The following CNTNAP5 variants were observed in gnomAD, a reference collection of about 807,000 sequenced individuals.
CNTNAP5 encodes the protein contactin associated protein family member 5.
Under a neutral mutation model 150.2 loss-of-function variants are expected in CNTNAP5, and 72 were observed. The ratio of observed to expected loss-of-function variants is 0.48; its 90% CI spans 0.40 to 0.58. CNTNAP5 has a LOEUF of 0.58. CNTNAP5 is among the 20% of genes least tolerant of loss of function. CNTNAP5 has a pLI of 0.00. For synonymous variants in CNTNAP5, 672 were observed against 619.8 expected (o/e 1.08, Z -1.25); for missense variants, 1,636 against 1,626.2 (o/e 1.01, Z -0.10).
chr2:124,369,300 G>A (rs533610052), intron 3 of CNTNAP5, among the ~76,000 whole-genome samples: 1 of 152,286 alleles, frequency 6.6e-6, no homozygotes, highest in East Asian at 1.9e-4. Context: ...GAGAACTTGG[G>A]TAGCAACCAG....
At chr2:124,765,358 A>T (rs1406397532) in intron 16 of CNTNAP5, among the ~76,000 whole-genome samples, 1 of 152,008 alleles carries the variant, frequency 6.6e-6, no homozygotes, top group Admixed American at 6.6e-5. Flanking sequence ...TTTGTCTCAA[A>T]CCTCTGTGGT....
rs550531962 is a variant in CNTNAP5 at position 124,689,712 on chromosome 2, C to A, written c.2077+41754C>A. On this transcript the variant is annotated intron_variant, in intron 13 of 23. Transcript: ENST00000682447. Reference sequence around the variant, plus strand: ...TGGGGCAATGGAATCAGAGGTGAGTCAGTATCTCTGCAGCATAGGTCAAAA... The same window carrying A: ...TGGGGCAATGGAATCAGAGGTGAGTAAGTATCTCTGCAGCATAGGTCAAAA... Among the ~76,000 whole-genome samples the A allele has an allele frequency of 1.7e-4, 26 of 152,076 alleles. No homozygotes were observed. The South Asian group carries it at 4.8e-3, about 28-fold the overall frequency.
chr2:124,461,489 A>G (rs1237589105), intron 6 of CNTNAP5, among the ~76,000 whole-genome samples: 1 of 139,392 alleles, frequency 7.2e-6, no homozygotes, highest in African/African-American at 2.7e-5. Context: ...AGAACACACG[A>G]ACACAGGAAG....
chr2:124,266,909 C>T (rs1573878327), intron 3 of CNTNAP5, among the ~76,000 whole-genome samples: 6 of 151,656 alleles, frequency 4.0e-5, no homozygotes, highest in Admixed American at 6.6e-5. Context: ...ATAGAAATTA[C>T]GTACGCTTTT....
chr2:124,564,711 A>G (rs1342688655), intron 11 of CNTNAP5, among the ~76,000 whole-genome samples: 1 of 152,192 alleles, frequency 6.6e-6, no homozygotes, highest in Non-Finnish European at 1.5e-5. Flanking sequence ...GGGGAAACAC[A>G]TGAAAAAGTA....
At chr2:124,049,651 A>G (rs1235596870) in intron 1 of CNTNAP5, among the ~76,000 whole-genome samples, 2 of 152,210 alleles carry the variant, frequency 1.3e-5, no homozygotes, top group Non-Finnish European at 2.9e-5. Flanking sequence ...TTACTGTAAC[A>G]TGAAGGTAAT....
rs776140761 is a variant in CNTNAP5 at position 124,772,989 on chromosome 2, A to C, written c.2724A>C (p.Arg908=). ...AGACGTCGGAGGAGGGCCATTTTCG[A>C]CTGCAGCTGAACAGCCAGTTGTTTG... is the stretch of plus-strand genomic sequence containing the variant. ...TRETSEEGHF[R]LQLNSQLFVG... Residue 908 remains arginine, a synonymous_variant, in exon 17 of 24, where the codon CGA becomes CGC. Coordinates refer to ENST00000682447, the MANE Select transcript of CNTNAP5 (RefSeq NM_001367498.1). The C allele has an allele frequency of 1.9e-6, 3 of 1,613,084 alleles. No individual in the cohort carries two copies.
intron 1 of CNTNAP5, among the ~76,000 whole-genome samples, chr2:124,218,316 A>G (rs1686213970): frequency 6.6e-6 from 1 of 152,200 alleles, no homozygotes; most frequent in South Asian, 2.1e-4. Context: ...GGCTAATTTC[A>G]TAAGAGACTT....
chr2:124,133,241 T>C (rs1196197985), intron 1 of CNTNAP5, among the ~76,000 whole-genome samples: 1 of 152,142 alleles, frequency 6.6e-6, no homozygotes, highest in Non-Finnish European at 1.5e-5. Flanking sequence ...TTCCGCTCCA[T>C]AGCTCCTTCT....
chr2:124,296,014 G>A (rs1321193347), intron 3 of CNTNAP5, among the ~76,000 whole-genome samples: 2 of 152,128 alleles, frequency 1.3e-5, no homozygotes, highest in East Asian at 1.9e-4. Context: ...AATGAAGAAA[G>A]TCCTAAAACC....
At chr2:124,112,710 C>T (rs1683327995) in intron 1 of CNTNAP5, among the ~76,000 whole-genome samples, 1 of 151,530 alleles carries the variant, frequency 6.6e-6, no homozygotes. Flanking sequence ...ATTATCACCT[C>T]CCTCCTCCCA....
intron 8 of CNTNAP5, among the ~76,000 whole-genome samples, chr2:124,513,836 T>G (rs997311801): frequency 2.0e-5 from 3 of 152,190 alleles, no homozygotes; most frequent in African/African-American, 7.2e-5. Context: ...TGTGGAATGC[T>G]GGCAGCCAGG....
chr2:124,710,524 G>A (rs774122928), intron 13 of CNTNAP5, among the ~76,000 whole-genome samples: 5 of 152,020 alleles, frequency 3.3e-5, no homozygotes, highest in African/African-American at 7.2e-5. Flanking sequence ...ATCCATTGTC[G>A]GTGAACCCAT....
intron 1 of CNTNAP5, among the ~76,000 whole-genome samples, chr2:124,205,560 A>C (rs562381277): frequency 4.3e-4 from 65 of 152,122 alleles, no homozygotes; most frequent in Non-Finnish European, 7.2e-4. Flanking sequence ...CTGGGACTAC[A>C]GGTGTGCACC....
chr2:124,652,309 A>G (rs145777897), intron 13 of CNTNAP5, among the ~76,000 whole-genome samples: 47 of 152,188 alleles, frequency 3.1e-4, no homozygotes, highest in African/African-American at 1.1e-3. Context: ...GCCCTTTGCT[A>G]CAGTGCAGCT....
At chr2:124,423,816 T>C (rs368616595) in intron 4 of CNTNAP5, among the ~76,000 whole-genome samples, 1,923 of 146,610 alleles carry the variant, frequency 0.013, 36 homozygotes, top group African/African-American at 0.045. Context: ...AGGCGCCCGC[T>C]ACCACGCCCG....
intron 10 of CNTNAP5, among the ~76,000 whole-genome samples, chr2:124,528,923 C>A (rs1695040079): frequency 6.6e-6 from 1 of 152,134 alleles, no homozygotes. Flanking sequence ...CAGAAATCAG[C>A]CATGCAGTGC....
intron 1 of CNTNAP5, among the ~76,000 whole-genome samples, chr2:124,219,902 G>T (rs1409938037): frequency 6.6e-6 from 1 of 151,814 alleles, no homozygotes; most frequent in Non-Finnish European, 1.5e-5. Context: ...CCATATCTGC[G>T]ATTTTTATGT....
intron 12 of CNTNAP5, among the ~76,000 whole-genome samples, chr2:124,638,975 C>A (rs1051499070): frequency 6.6e-6 from 1 of 152,152 alleles, no homozygotes. Context: ...CAATATATAA[C>A]CTCGGCTGCA....
Sources: gnomAD v4.1 joint callset for allele counts (sites outside exome capture counted in the v4.1 genomes callset) on GRCh38, gnomAD v4.1.1 for gene constraint, MANE v1.5 for transcripts, NCBI Gene and HGNC (gene_info 2026-07-23, HGNC 2026-07-21) for gene names.